Variants in IL23R observed in about 807,000 individuals in gnomAD.
IL23R encodes the protein interleukin 23 receptor, also known as interleukin-23 receptor.
Under a neutral mutation model 56.9 loss-of-function variants are expected in IL23R, and 34 were observed. The ratio of observed to expected loss-of-function variants is 0.60; its 90% CI spans 0.45 to 0.80. The LOEUF (loss-of-function observed/expected upper bound fraction) is 0.80. IL23R is among the 30% of genes least tolerant of loss of function. The probability of loss-of-function intolerance (pLI) is 0.00; values close to 1 mark genes in which losing one functional copy is unlikely to be tolerated. For missense variants in IL23R, 635 were observed against 730.0 expected (o/e 0.87, Z 1.50); for synonymous variants, 230 against 249.2 (o/e 0.92, Z 0.73).
At position 67,183,098 on chromosome 1, in the gene IL23R, C is replaced by T. The variant is rs1647176759; in HGVS notation, c.491+139C>T. On this transcript the variant is annotated intron_variant, in intron 4 of 10. Coordinates refer to ENST00000347310, the MANE Select transcript of IL23R (RefSeq NM_144701.3). ...TTATCCCTTATTTCCTACTTATGAT[C>T]AGTGAAACTACCAAAGCCCTTTTCA... is the stretch of plus-strand genomic sequence containing the variant. 9.0e-6 allele frequency: 9 copies of T among 1,000,572 alleles called. No individual in the cohort carries two copies. The South Asian group carries it at 1.3e-4, about 14-fold the overall frequency. The allele number at this position is 1,000,572 out of a possible 1,614,324, so 62.0% of individuals were successfully genotyped here. A position where few individuals can be genotyped will look rare whatever the true frequency, so the allele number is the denominator to read the frequency against.
At chr1:67,213,026 A>T (rs990501691) in intron 6 of IL23R, among the ~76,000 whole-genome samples, 5 of 152,034 alleles carry the variant, frequency 3.3e-5, no homozygotes, top group Non-Finnish European at 5.9e-5. Flanking sequence ...GGCATCGGGC[A>T]CCACGTCTGG....
intron 2 of IL23R, 21 bp downstream of exon 2, chr1:67,168,211 A>G: frequency 6.6e-7 from 1 of 1,519,468 alleles, no homozygotes; most frequent in Non-Finnish European, 9.1e-7. Flanking sequence ...TTATGTATCT[A>G]TTGCTATCTT....
At chr1:67,250,102 C>A (rs1247089759) in intron 9 of IL23R, among the ~76,000 whole-genome samples, 1 of 152,148 alleles carries the variant, frequency 6.6e-6, no homozygotes, top group Non-Finnish European at 1.5e-5. Flanking sequence ...CAAAAATTTA[C>A]ATTCCTGTGC....
intron 4 of IL23R, among the ~76,000 whole-genome samples, chr1:67,183,860 T>C (rs1429717417): frequency 6.6e-6 from 1 of 152,200 alleles, no homozygotes; most frequent in Non-Finnish European, 1.5e-5. Flanking sequence ...TTTTCAGTTT[T>C]AAAACCTGGA....
chr1:67,154,091 G>C (rs1646752443), intron 1 of IL23R, among the ~76,000 whole-genome samples: 1 of 152,186 alleles, frequency 6.6e-6, no homozygotes, highest in Non-Finnish European at 1.5e-5. Flanking sequence ...TTAATCCTGA[G>C]TTCTAATTTG....
chr1:67,252,832 A>G (rs1652719430), intron 9 of IL23R, among the ~76,000 whole-genome samples: 1 of 151,362 alleles, frequency 6.6e-6, no homozygotes, highest in Non-Finnish European at 1.5e-5. Flanking sequence ...GAGAAGTGAC[A>G]TACAGAAATT....
intron 9 of IL23R, among the ~76,000 whole-genome samples, chr1:67,242,104 C>A (rs77120660): frequency 0.12 from 17,898 of 152,214 alleles, 1,581 homozygotes; most frequent in Admixed American, 0.27. Context: ...CATTTCTAAT[C>A]AGTGCCTCTT....
intron 4 of IL23R, among the ~76,000 whole-genome samples, chr1:67,197,265 G>A (rs1300577700): frequency 6.6e-6 from 1 of 152,180 alleles, no homozygotes; most frequent in Non-Finnish European, 1.5e-5. Flanking sequence ...ATGCTTAAAT[G>A]AGGATTCAGA....
intron 3 of IL23R, among the ~76,000 whole-genome samples, chr1:67,180,555 G>A (rs572593015): frequency 1.3e-5 from 2 of 152,202 alleles, no homozygotes; most frequent in South Asian, 4.1e-4. Context: ...CACGCTGATG[G>A]GTCTTGACTC....
chr1:67,239,151 G>T (rs898099035), intron 8 of IL23R, among the ~76,000 whole-genome samples: 1 of 152,192 alleles, frequency 6.6e-6, no homozygotes, highest in African/African-American at 2.4e-5. Flanking sequence ...GTACCAGGGA[G>T]AAAGCATGAT....
At chr1:67,228,151 T>TTCCTTCCTTCC (rs1650847896) in intron 7 of IL23R, among the ~76,000 whole-genome samples, 35 of 58,108 alleles carry the variant, frequency 6.0e-4, no homozygotes, top group African/African-American at 2.7e-3. Context: ...TGTCTTTCTT[T>TTCCTTCCTTCC]TTCCTTCCTT....
At chr1:67,196,728 A>T (rs1306465708) in intron 4 of IL23R, among the ~76,000 whole-genome samples, 2 of 152,252 alleles carry the variant, frequency 1.3e-5, no homozygotes, top group Non-Finnish European at 2.9e-5. Context: ...TGCCATAGCT[A>T]TCAAAACAGG....
At chr1:67,175,713 C>A (rs1431177469) in intron 3 of IL23R, among the ~76,000 whole-genome samples, 1 of 152,132 alleles carries the variant, frequency 6.6e-6, no homozygotes, top group Admixed American at 6.5e-5. Context: ...TATGAACACC[C>A]AACTTTTAAA....
At chr1:67,191,673 T>C (rs1647756309) in intron 4 of IL23R, among the ~76,000 whole-genome samples, 1 of 152,232 alleles carries the variant, frequency 6.6e-6, no homozygotes, top group South Asian at 2.1e-4. Context: ...CTCTTTTATC[T>C]AGTTTAGTCA....
At chr1:67,149,819 G>A (rs1042418044) in intron 1 of IL23R, among the ~76,000 whole-genome samples, 1 of 152,138 alleles carries the variant, frequency 6.6e-6, no homozygotes, top group Non-Finnish European at 1.5e-5. Context: ...AAACCAACAA[G>A]TTGAATTTAT....
At chr1:67,179,539 T>C (rs1647059886) in intron 3 of IL23R, among the ~76,000 whole-genome samples, 1 of 152,178 alleles carries the variant, frequency 6.6e-6, no homozygotes, top group Non-Finnish European at 1.5e-5. Context: ...TAGTGGTCTA[T>C]CAATTTTGTT....
At chr1:67,179,014 T>C (rs1390599284) in intron 3 of IL23R, among the ~76,000 whole-genome samples, 3 of 152,166 alleles carry the variant, frequency 2.0e-5, no homozygotes, top group African/African-American at 7.2e-5. Flanking sequence ...TTGGATTCGG[T>C]TTGCCAGTAT....
chr1:67,181,761 GT>G (rs200181388), intron 3 of IL23R, among the ~76,000 whole-genome samples: 44,855 of 151,972 alleles, frequency 0.3, 6,975 homozygotes, highest in Admixed American at 0.43. Context: ...CATCTTTGTG[GT>G]TTTATCTATC....
rs1353395129 is a variant in IL23R, at chr1:67,255,903, C to T, written c.1215C>T (p.Asn405=). ...ATGAAGATATTCCTAATATGAAAAA[C>T]AGCAATGTTGTGAAAATGCTACAGG... The part of the protein sequence containing the change: ...WLYEDIPNMK[N]SNVVKMLQEN... Residue 405 remains asparagine (N), a synonymous_variant, in exon 10 of 11, where the codon AAC becomes AAT. Transcript: ENST00000347310. 3 of 1,600,414 alleles carry T rather than the reference C, an allele frequency of 1.9e-6. No individual in the cohort carries two copies. Among genetic ancestry groups the T allele is most frequent in the Non-Finnish European group, 2.6e-6 (3 of 1,167,978 alleles).
Sources: allele counts gnomAD v4.1 joint callset (sites outside exome capture counted in the v4.1 genomes callset), GRCh38; gene constraint gnomAD v4.1.1; transcripts MANE v1.5; gene names NCBI Gene and HGNC (gene_info 2026-07-23, HGNC 2026-07-21).